The following ZFAND3 variants were observed in gnomAD, a reference collection of about 807,000 sequenced individuals.
ZFAND3 encodes zinc finger AN1-type containing 3.
Under a neutral mutation model 29.6 loss-of-function variants are expected in ZFAND3, and 10 were observed. The ratio of observed to expected loss-of-function variants is 0.34; its 90% CI spans 0.21 to 0.57. The LOEUF is 0.57. Ranked by LOEUF, ZFAND3 falls within the 20% of genes least tolerant of loss-of-function variation. ZFAND3 has a pLI of 0.86. For missense variants in ZFAND3, 230 were observed against 304.5 expected, an observed-to-expected ratio of 0.76 and a Z score of 1.82; for synonymous variants, 128 against 112.6, an observed-to-expected ratio of 1.14 and a Z score of -0.87.
intron 1 of ZFAND3, among the ~76,000 whole-genome samples, chr6:37,890,973 A>G (rs940124034): frequency 1.3e-5 from 2 of 152,226 alleles, no homozygotes; most frequent in Non-Finnish European, 2.9e-5. Context: ...AACTGTCAGA[A>G]ACAACTTTAT....
chr6:38,061,760 C>T lies in ZFAND3; in HGVS notation c.280C>T (p.Pro94Ser), dbSNP rs1382959195. 7.4e-6 allele frequency: 12 copies of T among 1,614,064 alleles called. No homozygotes were observed. The highest frequency in any genetic ancestry group is 2.2e-5 in the East Asian group (1 of 44,864). Reference sequence around the variant, plus strand: ...TCCGACAGAACTGAATGTAACTTCACCGAGTAAAGAGGAGTGTAAGTGTCT... The same window carrying T: ...TCCGACAGAACTGAATGTAACTTCATCGAGTAAAGAGGAGTGTAAGTGTCT... The part of the protein sequence containing the change: ...PLPTELNVTS[P>S]SKEECGPCTD... Residue 94 changes from proline (P) to serine (S), a missense_variant, in exon 3 of 6, where the codon CCG becomes TCG. Physicochemically the swap from Pro to Ser is moderately conservative, Grantham distance 74 (BLOSUM62 -1). Coordinates refer to ENST00000287218, the MANE Select transcript of ZFAND3 (RefSeq NM_021943.3).
At chr6:38,088,798 T>G (rs35815938) in intron 4 of ZFAND3, among the ~76,000 whole-genome samples, 12,165 of 152,196 alleles carry the variant, frequency 0.08, 617 homozygotes, top group African/African-American at 0.14. Context: ...GTGATTATAA[T>G]TAGTAGAGCA....
intron 5 of ZFAND3, among the ~76,000 whole-genome samples, chr6:38,151,101 G>A (rs186465023): frequency 2.0e-4 from 30 of 152,228 alleles, no homozygotes; most frequent in Admixed American, 1.7e-3. Context: ...CATGCGTATC[G>A]GCCGCTCTAG....
At position 38,070,448 on chromosome 6, in the gene ZFAND3, A is replaced by G. The variant is rs150493263; in HGVS notation, c.295+8673A>G. 4.0e-3 allele frequency among the ~76,000 whole-genome samples: 611 copies of G among 152,086 alleles called. 2 individuals are homozygous for G. The highest frequency in any genetic ancestry group is 0.014 in the African/African-American group (584 of 41,504). On this transcript the variant is annotated intron_variant, in intron 3 of 5. Transcript: ENST00000287218. ...AAAAAAAGATTTTATTTTTATATAA[A>G]TGACAGCATACTGTATATATTGTTT...
chr6:37,845,108 C>T (rs545583737), intron 1 of ZFAND3, among the ~76,000 whole-genome samples: 14 of 152,150 alleles, frequency 9.2e-5, no homozygotes, highest in South Asian at 8.3e-4. Context: ...TACCATATTC[C>T]GTGGTCAAAG....
intron 1 of ZFAND3, among the ~76,000 whole-genome samples, chr6:37,863,015 T>G (rs1764522189): frequency 6.6e-6 from 1 of 151,876 alleles, no homozygotes; most frequent in Non-Finnish European, 1.5e-5. Context: ...CCCAAATCCA[T>G]CAGAAGGCAG....
At chr6:37,937,981 C>G (rs1761734894) in intron 2 of ZFAND3, among the ~76,000 whole-genome samples, 2 of 152,138 alleles carry the variant, frequency 1.3e-5, no homozygotes, top group Admixed American at 1.3e-4. Context: ...AATGTTTTGC[C>G]TTTTTTCTTA....
At chr6:38,016,432 A>T (rs1052329740) in intron 2 of ZFAND3, among the ~76,000 whole-genome samples, 1 of 152,222 alleles carries the variant, frequency 6.6e-6, no homozygotes, top group African/African-American at 2.4e-5. Flanking sequence ...AGTTTCTAAA[A>T]GGCAAGTCCA....
chr6:37,965,440 A>G (rs1453425180), intron 2 of ZFAND3, among the ~76,000 whole-genome samples: 1 of 152,212 alleles, frequency 6.6e-6, no homozygotes, highest in Non-Finnish European at 1.5e-5. Context: ...CTATAAGGTT[A>G]ATAGCGAGTA....
chr6:38,139,781 A>G (rs192052825), intron 5 of ZFAND3, among the ~76,000 whole-genome samples: 23 of 152,226 alleles, frequency 1.5e-4, no homozygotes, highest in African/African-American at 4.6e-4. Context: ...AGCCTCGGAA[A>G]AAAGTTACTG....
intron 5 of ZFAND3, among the ~76,000 whole-genome samples, chr6:38,126,771 A>C (rs1044419636): frequency 3.3e-5 from 5 of 152,128 alleles, no homozygotes; most frequent in Non-Finnish European, 7.4e-5. Context: ...TGCCATCTTA[A>C]TATTGTAACT....
Position 37,896,546 on chromosome 6 carries a change from CTT to C in ZFAND3, c.72-33411_72-33410del, listed in dbSNP as rs1554153831. On this transcript the variant is annotated intron_variant, in intron 1 of 5. Transcript: ENST00000287218. ...TCTTTCTTTCTTTCTTTCTTTCTTT[CTT>C]TCTTTCTTTCTTTCTTTCTTTCTCT... is the stretch of plus-strand genomic sequence containing the variant. 3.1e-4 allele frequency among the ~76,000 whole-genome samples: 39 copies of C among 124,872 alleles called. No homozygotes were observed. In the East Asian group the frequency reaches 7.0e-3, roughly 22 times the overall value. 81.9% of individuals were successfully genotyped at this position (124,872 alleles called of 152,430 possible).
At position 38,082,417 on chromosome 6, in the gene ZFAND3, T is replaced by C. The variant is rs1469199369; in HGVS notation, c.321T>C (p.His107=). The C allele has an allele frequency of 6.2e-7, 1 of 1,612,336 alleles. No homozygotes were observed. The highest frequency in any genetic ancestry group is 1.7e-5 in the Admixed American group (1 of 59,798). Residue 107 remains histidine (H), a synonymous_variant, in exon 4 of 6, where the codon CAT becomes CAC. Coordinates refer to ENST00000287218, the MANE Select transcript of ZFAND3 (RefSeq NM_021943.3). The part of the protein sequence containing the change: ...EECGPCTDTA[H]VSLITPTKRS... ...GTGGGCCATGCACAGACACAGCTCA[T>C]GTCTCATTAATCACACCAACAAAAA...
intron 4 of ZFAND3, among the ~76,000 whole-genome samples, chr6:38,100,859 T>A (rs1039426160): frequency 1.1e-4 from 17 of 152,266 alleles, no homozygotes; most frequent in African/African-American, 3.9e-4. Flanking sequence ...TCTCGCCCTC[T>A]TTGTGTCTGT....
chr6:37,897,239 A>G (rs572449363), intron 1 of ZFAND3, among the ~76,000 whole-genome samples: 1 of 152,252 alleles, frequency 6.6e-6, no homozygotes, highest in South Asian at 2.1e-4. Context: ...TTTGATCTCT[A>G]TCACTGTAGT....
chr6:37,965,707 T>C (rs1762280935), intron 2 of ZFAND3, among the ~76,000 whole-genome samples: 1 of 152,220 alleles, frequency 6.6e-6, no homozygotes, highest in Non-Finnish European at 1.5e-5. Flanking sequence ...GAGAATAGGA[T>C]ACTGAATACT....
intron 1 of ZFAND3, among the ~76,000 whole-genome samples, chr6:37,873,228 G>A (rs1031088040): frequency 6.6e-6 from 1 of 152,210 alleles, no homozygotes; most frequent in African/African-American, 2.4e-5. Flanking sequence ...CCGAGATCAC[G>A]CCACTGCATT....
At chr6:37,934,074 G>C (rs1262171627) in intron 2 of ZFAND3, among the ~76,000 whole-genome samples, 1 of 151,626 alleles carries the variant, frequency 6.6e-6, no homozygotes, top group Admixed American at 6.6e-5. Flanking sequence ...TTTTAGTAGA[G>C]ACAGAGTTTC....
intron 1 of ZFAND3, among the ~76,000 whole-genome samples, chr6:37,823,411 C>T (rs1267262740): frequency 6.6e-6 from 1 of 152,170 alleles, no homozygotes; most frequent in Admixed American, 6.5e-5. Flanking sequence ...AATGTTTTGG[C>T]TCCGGCAGAC....
Sources: allele counts gnomAD v4.1 joint callset (sites outside exome capture counted in the v4.1 genomes callset), GRCh38; gene constraint gnomAD v4.1.1; transcripts MANE v1.5; gene names NCBI Gene and HGNC (gene_info 2026-07-23, HGNC 2026-07-21).